Variants in IRAK4 observed in about 807,000 individuals in gnomAD.
The protein encoded by IRAK4 is interleukin-1 receptor-associated kinase 4.
A neutral mutation model predicts 51.8 loss-of-function variants in IRAK4; 44 were observed. The ratio of observed to expected loss-of-function variants is 0.85; its 90% CI spans 0.67 to 1.09. The LOEUF is 1.09. IRAK4 is among the 50% of genes least tolerant of loss of function. IRAK4 has a pLI of 0.00. For synonymous variants in IRAK4, 149 were observed against 174.1 expected (o/e 0.86, Z 1.13); for missense variants, 487 against 538.0 (o/e 0.91, Z 0.94).
chr12:43,784,675 A>G (rs1416586915), intron 10 of IRAK4, among the ~76,000 whole-genome samples: 1 of 152,244 alleles, frequency 6.6e-6, no homozygotes, highest in Non-Finnish European at 1.5e-5. Flanking sequence ...GCAGAAAAAC[A>G]TAAGCTGTAT....
intron 4 of IRAK4, 80 bp from the exon 5 acceptor site, chr12:43,772,832 G>A: frequency 9.8e-7 from 1 of 1,025,474 alleles, no homozygotes; most frequent in African/African-American, 1.6e-5. Flanking sequence ...GCATATATGT[G>A]AAATCTTCAA....
intron 2 of IRAK4, among the ~76,000 whole-genome samples, chr12:43,769,374 T>C (rs1168754551): frequency 1.3e-5 from 2 of 152,128 alleles, no homozygotes; most frequent in Admixed American, 6.5e-5. Flanking sequence ...TTTAAAGTAT[T>C]ATAGGCTGAG....
intron 2 of IRAK4, among the ~76,000 whole-genome samples, chr12:43,769,756 A>C (rs1225773384): frequency 6.6e-6 from 1 of 152,252 alleles, no homozygotes; most frequent in Non-Finnish European, 1.5e-5. Flanking sequence ...CCAAGTGATC[A>C]AACTTTAGCA....
At position 43,787,426 on chromosome 12, in the gene IRAK4, C is replaced by CTCAAA. The variant is rs1177291280; in HGVS notation, c.*711_*712insTCAAA. The CTCAAA allele has an allele frequency of 6.6e-6, 1 of 152,186 alleles. No homozygotes were observed. The highest frequency in any genetic ancestry group is 2.4e-5 in the African/African-American group (1 of 41,436). 9.4% of individuals were successfully genotyped at this position (152,186 alleles called of 1,614,324 possible). ...ACTCACTTTGAGACTGTTGAAAGGG[C>CTCAAA]CTGACCTAATCAAGTGAACCCTTGC... On this transcript the variant is annotated 3_prime_UTR_variant, in exon 12 of 12. Transcript: ENST00000613694.
At chr12:43,777,147 T>C (rs1265246122) in intron 6 of IRAK4, among the ~76,000 whole-genome samples, 1 of 152,198 alleles carries the variant, frequency 6.6e-6, no homozygotes, top group East Asian at 1.9e-4. Context: ...TCCCAATACT[T>C]TGGGAGGCCA....
chr12:43,776,879 G>A (rs4251494), intron 6 of IRAK4, among the ~76,000 whole-genome samples: 1,944 of 152,318 alleles, frequency 0.013, 41 homozygotes, highest in African/African-American at 0.044. Context: ...TCAAAAACAT[G>A]TAAATTAGAT....
intron 10 of IRAK4, among the ~76,000 whole-genome samples, chr12:43,784,327 CA>C (rs1450571682): frequency 6.6e-6 from 1 of 152,164 alleles, no homozygotes; most frequent in Non-Finnish European, 1.5e-5. Context: ...ATCTACTTTG[CA>C]GCGGAAGTCA....
chr12:43,775,119 A>G (rs1393270497), intron 6 of IRAK4, among the ~76,000 whole-genome samples: 1 of 152,190 alleles, frequency 6.6e-6, no homozygotes, highest in Non-Finnish European at 1.5e-5. Context: ...TAAATCACCA[A>G]TCATAGTTAC....
intron 1 of IRAK4, among the ~76,000 whole-genome samples, chr12:43,765,811 A>T (rs1940082169): frequency 6.6e-6 from 1 of 151,576 alleles, no homozygotes. Flanking sequence ...GATAGTGCCA[A>T]AGGTAGATAT....
Position 43,788,938 on chromosome 12 carries a change from T to G in IRAK4, c.*2223T>G, listed in dbSNP as rs769976979. 4 of 152,174 alleles carry G rather than the reference T, an allele frequency of 2.6e-5. No individual in the cohort carries two copies. Among genetic ancestry groups the G allele is most frequent in the Non-Finnish European group, 4.4e-5 (3 of 68,034 alleles). The allele number at this position is 152,174 out of a possible 1,614,324, so 9.4% of individuals were successfully genotyped here. A position where few individuals can be genotyped will look rare whatever the true frequency, so the allele number is the denominator to read the frequency against. ...TATTGCCTGTACCACCAACTGTATCTTGGAAATAAATAACTTATATTTTAT... is the reference window on the plus strand; with the variant it reads ...TATTGCCTGTACCACCAACTGTATCGTGGAAATAAATAACTTATATTTTAT... On this transcript the variant is annotated 3_prime_UTR_variant, in exon 12 of 12. Coordinates refer to ENST00000613694, the MANE Select transcript of IRAK4 (RefSeq NM_016123.4).
At chr12:43,761,740 A>T (rs1939580554) in intron 1 of IRAK4, among the ~76,000 whole-genome samples, 1 of 152,206 alleles carries the variant, frequency 6.6e-6, no homozygotes, top group South Asian at 2.1e-4. Flanking sequence ...TTATTAACAC[A>T]TTTGACAAGA....
At chr12:43,779,135 A>G (rs1000725542) in intron 8 of IRAK4, among the ~76,000 whole-genome samples, 13 of 152,174 alleles carry the variant, frequency 8.5e-5, no homozygotes, top group African/African-American at 2.9e-4. Context: ...GTGGTATTGC[A>G]TGCCTACAGT....
chr12:43,786,425 TGAA>T lies in IRAK4; in HGVS notation c.1219_1221del (p.Glu407del). On this transcript the variant is annotated inframe_deletion, in exon 11 of 12. Transcript: ENST00000613694. The stretch of plus-strand genomic sequence containing the variant: ...TAGATATTAAAGAAGAAATTGAAGA[TGAA>T]GAAAAGACAATTGAAGATTATATTG... 6 of 1,596,812 alleles carry T rather than the reference TGAA, an allele frequency of 3.8e-6. No individual in the cohort carries two copies. The highest frequency in any genetic ancestry group is 5.1e-6 in the Non-Finnish European group (6 of 1,171,396).
At chr12:43,779,875 G>A (rs975861569) in intron 8 of IRAK4, among the ~76,000 whole-genome samples, 4 of 152,186 alleles carry the variant, frequency 2.6e-5, no homozygotes, top group African/African-American at 9.7e-5. Flanking sequence ...ATATAAATGT[G>A]TATTACTTGC....
intron 2 of IRAK4, 179 bp from the exon 3 acceptor site, chr12:43,771,041 A>T: frequency 1.4e-6 from 1 of 699,342 alleles, no homozygotes; most frequent in African/African-American, 1.8e-5. Context: ...CCATGAGATG[A>T]TGTAGCAAGA....
chr12:43,774,132 A>G (rs1025147469), intron 6 of IRAK4, 103 bp downstream of exon 6: 2 of 773,780 alleles, frequency 2.6e-6, no homozygotes, highest in East Asian at 2.6e-5. Flanking sequence ...ATGTTTGCAC[A>G]TATATGAAAT....
At position 43,788,148 on chromosome 12, in the gene IRAK4, C is replaced by T. The variant is rs1942331150; in HGVS notation, c.*1433C>T. 1 of 152,214 alleles carries T rather than the reference C, an allele frequency of 6.6e-6. No homozygotes were observed. The highest frequency in any genetic ancestry group is 1.5e-5 in the Non-Finnish European group (1 of 68,062). The allele number at this position is 152,214 out of a possible 1,614,324, so 9.4% of individuals were successfully genotyped here. A position where few individuals can be genotyped will look rare whatever the true frequency, so the allele number is the denominator to read the frequency against. On this transcript the variant is annotated 3_prime_UTR_variant, in exon 12 of 12. Coordinates refer to ENST00000613694, the MANE Select transcript of IRAK4 (RefSeq NM_016123.4). ...TAGAAAACAAATACAGATACTCTCC[C>T]ATGATGTTTTTCCCATGATGATTTC... is the stretch of plus-strand genomic sequence containing the variant.
In IRAK4 at chr12:43,786,915, T is replaced by A; in HGVS notation, c.*200T>A. 1 of 592,862 alleles carries A rather than the reference T, an allele frequency of 1.7e-6. No homozygotes were observed. 36.7% of individuals were successfully genotyped at this position (592,862 alleles called of 1,614,324 possible). A position where few individuals can be genotyped will look rare whatever the true frequency, so the allele number is the denominator to read the frequency against. On this transcript the variant is annotated 3_prime_UTR_variant, in exon 12 of 12. Transcript: ENST00000613694. ...CAACACTTAGCCCTACCCATTAGTA[T>A]CACCCCCAGTTCTTACAGTAATCCC...
At chr12:43,768,298 T>C in intron 2 of IRAK4, 26 bp downstream of exon 2, 1 of 1,543,482 alleles carries the variant, frequency 6.5e-7, no homozygotes, top group South Asian at 1.1e-5. Context: ...CTTTGTATTT[T>C]TAAATTCTTA....
Sources: gnomAD v4.1 joint callset for allele counts (sites outside exome capture counted in the v4.1 genomes callset) on GRCh38, gnomAD v4.1.1 for gene constraint, MANE v1.5 for transcripts, NCBI Gene and HGNC (gene_info 2026-07-23, HGNC 2026-07-21) for gene names.